PRELID1: variants seen among roughly 807,000 people sequenced by gnomAD.
PRELID1 encodes PRELI domain-containing protein 1, mitochondrial.
Under a neutral mutation model 29.0 loss-of-function variants are expected in PRELID1, and 15 were observed. That is an observed-to-expected ratio of 0.52 (90% confidence interval 0.35 to 0.80). The LOEUF is 0.80. Among genes scored for constraint, PRELID1 ranks in the 30% least tolerant of loss-of-function variants. The pLI, the probability that PRELID1 is intolerant of heterozygous loss-of-function variation, is 0.01. For synonymous variants in PRELID1, 79 were observed against 106.5 expected, an observed-to-expected ratio of 0.74 and a Z score of 1.59; for missense variants, 187 against 275.9, an observed-to-expected ratio of 0.68 and a Z score of 2.28.
At chr5:177,305,093 G>A (rs751971044) in intron 2 of PRELID1, among the ~76,000 whole-genome samples, 7 of 152,146 alleles carry the variant, frequency 4.6e-5, no homozygotes, top group East Asian at 3.8e-4. Flanking sequence ...CCTATCTTAC[G>A]GAGTTGTCCT....
intron 2 of PRELID1, 36 bp downstream of exon 2, chr5:177,304,886 C>G (rs766911097): frequency 3.3e-6 from 5 of 1,513,594 alleles, no homozygotes; most frequent in South Asian, 1.2e-5. Flanking sequence ...GCACCTCCCC[C>G]TCTCCCCTCC....
rs983949218 is a variant in PRELID1 at position 177,305,873 on chromosome 5, G to A, written c.321G>A (p.Val107=). The change falls in exon 3 of 5, where the codon GTG becomes GTA. Residue 107 remains valine (V), a splice_region_variant and synonymous_variant. Transcript: ENST00000303204. The part of the protein sequence containing the change: ...TWNINHARLM[V]VEERCVYCVN... ...GATTGTGGTTGGCCTCTGCATAGGTGGTGGAGGAACGATGTGTTTACTGTG... is the reference window on the plus strand; with the variant it reads ...GATTGTGGTTGGCCTCTGCATAGGTAGTGGAGGAACGATGTGTTTACTGTG... 1 of 1,613,556 alleles carries A rather than the reference G, an allele frequency of 6.2e-7. No homozygotes were observed. Among genetic ancestry groups the A allele is most frequent in the Non-Finnish European group, 8.5e-7 (1 of 1,179,876 alleles).
In PRELID1 at chr5:177,304,956, G is replaced by A. The variant is rs1156932749; in HGVS notation, c.318+106G>A. ...TAGAGAGCCATAAGGCAGCTTTTGT[G>A]GCCGGAGGCAGGTCTGGGTTACTGA... On this transcript the variant is annotated intron_variant, in intron 2 of 4. Coordinates refer to ENST00000303204, the MANE Select transcript of PRELID1 (RefSeq NM_013237.4). The A allele has an allele frequency of 3.5e-6, 4 of 1,149,662 alleles. No individual in the cohort carries two copies. The African/African-American group carries it at 4.6e-5, about 13-fold the overall frequency. 71.2% of individuals were successfully genotyped at this position (1,149,662 alleles called of 1,614,324 possible).
rs1449330262 is a variant in PRELID1, at chr5:177,306,530, C to T, written c.620C>T (p.Ala207Val). ...AAGGCCAAGGACCTCGCCAGCAAGG[C>T]GGCCACCAAGAAGCAGCAGCAGCAG... ...TEKAKDLASKAATKKQQQQQQ... is the reference protein window; with the variant it reads ...TEKAKDLASKVATKKQQQQQQ... The change falls in exon 5 of 5, where the codon GCG (alanine) becomes GTG (valine). Residue 207 changes from alanine (A) to valine (V), a missense_variant. Ala to Val is a moderately conservative substitution (Grantham distance 64, BLOSUM62 0). Coordinates refer to ENST00000303204, the MANE Select transcript of PRELID1 (RefSeq NM_013237.4). 14 of 1,612,350 alleles carry T rather than the reference C, an allele frequency of 8.7e-6. No individual in the cohort carries two copies. The East Asian group carries it at 2.2e-4, about 26-fold the overall frequency.
In PRELID1 at chr5:177,304,697, C is replaced by G. The variant is rs892889504; in HGVS notation, c.165C>G (p.Leu55=). The G allele has an allele frequency of 6.2e-7, 1 of 1,613,972 alleles. No homozygotes were observed. The highest frequency in any genetic ancestry group is 1.3e-5 in the African/African-American group (1 of 74,916). The stretch of plus-strand genomic sequence containing the variant: ...ACCAGAAACTGCTGTCCCGGCGACT[C>G]CTGACCAAGACCAACAGGATGCCAC... The part of the protein sequence containing the change: ...TPDQKLLSRR[L]LTKTNRMPRW... Residue 55 remains leucine (L), a synonymous_variant, in exon 2 of 5, where the codon CTC becomes CTG. Coordinates refer to ENST00000303204, the MANE Select transcript of PRELID1 (RefSeq NM_013237.4).
At position 177,306,792 on chromosome 5, in the gene PRELID1, G is replaced by A. The variant is rs572635778; in HGVS notation, c.*222G>A. 6.3e-5 allele frequency: 54 copies of A among 852,670 alleles called. No individual in the cohort carries two copies. In the African/African-American group the frequency reaches 8.6e-4, roughly 14 times the overall value. The allele number at this position is 852,670 out of a possible 1,614,324, so 52.8% of individuals were successfully genotyped here. A position where few individuals can be genotyped will look rare whatever the true frequency, so the allele number is the denominator to read the frequency against. On this transcript the variant is annotated 3_prime_UTR_variant, in exon 5 of 5. Coordinates refer to ENST00000303204, the MANE Select transcript of PRELID1 (RefSeq NM_013237.4). The stretch of plus-strand genomic sequence containing the variant: ...GGGCAGCTGAGGACCGAGGCACAGA[G>A]GTGCGGTGACTTGCCCGGGGCTCCA...
intron 4 of PRELID1, 107 bp from the exon 5 acceptor site, chr5:177,306,315 A>T (rs780260622): frequency 4.4e-6 from 7 of 1,583,978 alleles, no homozygotes; most frequent in Non-Finnish European, 6.0e-6. Flanking sequence ...GGTGAATACC[A>T]CCTTTTTAGT....
Position 177,305,892 on chromosome 5 carries a change from T to G in PRELID1, c.340T>G (p.Tyr114Asp). 6.2e-7 allele frequency: 1 copy of G among 1,614,080 alleles called. No homozygotes were observed. Residue 114 changes from tyrosine (Y) to aspartate (D), a missense_variant, in exon 3 of 5, where the codon TAC (tyrosine) becomes GAC (aspartate). Tyr to Asp is a radical substitution (Grantham distance 160). Transcript: ENST00000303204. The stretch of plus-strand genomic sequence containing the variant: ...ATAGGTGGTGGAGGAACGATGTGTT[T>G]ACTGTGTGAACTCTGACAACAGTGG... The part of the protein sequence containing the change: ...RLMVVEERCV[Y>D]CVNSDNSGWT...
chr5:177,305,418 G>C (rs1182090460), intron 2 of PRELID1: 1 of 199,898 alleles, frequency 5.0e-6, no homozygotes. Context: ...TGTTGGCCAG[G>C]CTGGTCTCGA....
In PRELID1 at chr5:177,305,406, C is replaced by T. The variant is rs185913280; in HGVS notation, c.319-465C>T. On this transcript the variant is annotated intron_variant, in intron 2 of 4. Coordinates refer to ENST00000303204, the MANE Select transcript of PRELID1 (RefSeq NM_013237.4). ...ATTTTTAGTACAGACAAGGTTTTAC[C>T]ATGTTGGCCAGGCTGGTCTCGAACT... The T allele has an allele frequency of 1.6e-4, 31 of 198,326 alleles. 1 individual carries two copies. In the East Asian group the frequency reaches 3.9e-3, roughly 25 times the overall value. The allele number at this position is 198,326 out of a possible 1,614,324, so 12.3% of individuals were successfully genotyped here.
In PRELID1 at chr5:177,306,061, G is replaced by A. The variant is rs150623619; in HGVS notation, c.433-37G>A. On this transcript the variant is annotated intron_variant, in intron 3 of 4. Transcript: ENST00000303204. Reference sequence around the variant, plus strand: ...GTTGGGGCTGGGCTGGGGTCAGTGGGCAACTCAGTATCCTTCCCATTCTCA... The same window carrying A: ...GTTGGGGCTGGGCTGGGGTCAGTGGACAACTCAGTATCCTTCCCATTCTCA... 4.4e-6 allele frequency: 7 copies of A among 1,601,544 alleles called. No homozygotes were observed. The African/African-American group carries it at 9.4e-5, about 21-fold the overall frequency.
chr5:177,304,257 TTTAC>T, intron 1 of PRELID1, 180 bp downstream of exon 1: 1 of 628,826 alleles, frequency 1.6e-6, no homozygotes, highest in Non-Finnish European at 2.8e-6. Flanking sequence ...TGGGTGGTGG[TTTAC>T]TTGAGACCTT....
At chr5:177,304,149 G>A in intron 1 of PRELID1, 72 bp downstream of exon 1, 3 of 1,401,290 alleles carry the variant, frequency 2.1e-6, no homozygotes, top group Non-Finnish European at 3.0e-6. Context: ...TAACCCCCAA[G>A]TACTGGGACC....
At position 177,305,978 on chromosome 5, in the gene PRELID1, T is replaced by C. The variant is rs768275344; in HGVS notation, c.426T>C (p.Ala142=). 6.2e-7 allele frequency: 1 copy of C among 1,613,856 alleles called. No homozygotes were observed. ...CTAGCTTATTTGGTGTCTCCAGAGC[T>C]GTCCAGGTGAGCAGTGTTGTTGGGG... The part of the protein sequence containing the change: ...VSSSLFGVSR[A]VQEFGLARFK... Residue 142 remains alanine, a synonymous_variant, in exon 3 of 5, where the codon GCT becomes GCC. Transcript: ENST00000303204.
In PRELID1 at chr5:177,306,102, T is replaced by C; in HGVS notation, c.437T>C (p.Phe146Ser). ...LFGVSRAVQEFGLARFKSNVT... is the reference protein window; with the variant it reads ...LFGVSRAVQESGLARFKSNVT... ...CCCATTCTCATCTCATGCCAGGAAT[T>C]TGGTCTTGCCCGATTCAAAAGCAAC... Residue 146 changes from phenylalanine (F) to serine (S), a missense_variant, in exon 4 of 5, where the codon TTT becomes TCT. Physicochemically the swap from Phe to Ser is radical, Grantham distance 155. Transcript: ENST00000303204. 1 of 1,612,194 alleles carries C rather than the reference T, an allele frequency of 6.2e-7. No homozygotes were observed. Among genetic ancestry groups the C allele is most frequent in the Non-Finnish European group, 8.5e-7 (1 of 1,178,242 alleles).
chr5:177,306,197 A>G (rs1260062642), intron 4 of PRELID1, 21 bp downstream of exon 4: 3 of 1,603,536 alleles, frequency 1.9e-6, no homozygotes, highest in Non-Finnish European at 2.6e-6. Context: ...GGGTATGTGG[A>G]TATTCCTCAT....
In PRELID1 at chr5:177,306,668, T is replaced by C. The variant is rs1324210425; in HGVS notation, c.*98T>C. ...CATTAAAAATCAACTTCCAGCCCTG[T>C]CTGCTGTCTACGTGGTGGGTTGTGG... On this transcript the variant is annotated 3_prime_UTR_variant, in exon 5 of 5. Coordinates refer to ENST00000303204, the MANE Select transcript of PRELID1 (RefSeq NM_013237.4). 6 of 1,489,276 alleles carry C rather than the reference T, an allele frequency of 4.0e-6. No homozygotes were observed. The highest frequency in any genetic ancestry group is 5.4e-6 in the Non-Finnish European group (6 of 1,104,758). The allele number at this position is 1,489,276 out of a possible 1,614,324, so 92.3% of individuals were successfully genotyped here.
At chr5:177,306,370 AG>A in intron 4 of PRELID1, 51 bp from the exon 5 acceptor site, 1 of 1,612,120 alleles carries the variant, frequency 6.2e-7, no homozygotes, top group East Asian at 2.2e-5. Flanking sequence ...GAGGGAAATT[AG>A]GTTGGTCTTT....
chr5:177,304,713 A>G lies in PRELID1; in HGVS notation c.181A>G (p.Arg61Gly). Residue 61 changes from arginine to glycine, a missense_variant, in exon 2 of 5, where the codon AGG becomes GGG. Coordinates refer to ENST00000303204, the MANE Select transcript of PRELID1 (RefSeq NM_013237.4). The stretch of plus-strand genomic sequence containing the variant: ...CCGGCGACTCCTGACCAAGACCAAC[A>G]GGATGCCACGCTGGGCCGAGCGACT... The part of the protein sequence containing the change: ...LSRRLLTKTN[R>G]MPRWAERLFP... The G allele has an allele frequency of 6.2e-7, 1 of 1,614,066 alleles. No individual in the cohort carries two copies. Among genetic ancestry groups the G allele is most frequent in the Non-Finnish European group, 8.5e-7 (1 of 1,179,918 alleles).
Sources: allele counts gnomAD v4.1 joint callset (sites outside exome capture counted in the v4.1 genomes callset), GRCh38; gene constraint gnomAD v4.1.1; transcripts MANE v1.5; gene names NCBI Gene and HGNC (gene_info 2026-07-23, HGNC 2026-07-21).